TRDN: variants seen among roughly 807,000 people sequenced by gnomAD.
TRDN encodes the protein triadin.
In TRDN, 161 loss-of-function variants were observed where a neutral mutation model predicts 149.7. The observed-to-expected ratio is 1.08, with a 90% CI of 0.95 to 1.23. The LOEUF is 1.23. Among genes scored for constraint, TRDN ranks in the 50% most tolerant of loss-of-function variants. The pLI is 0.00. For missense variants in TRDN, 896 were observed against 823.5 expected, an observed-to-expected ratio of 1.09 and a Z score of -1.08; for synonymous variants, 294 against 250.5, an observed-to-expected ratio of 1.17 and a Z score of -1.64.
chr6:123,516,218 C>T lies in TRDN; in HGVS notation c.485-12G>A. The T allele has an allele frequency of 6.8e-7, 1 of 1,472,804 alleles. No homozygotes were observed. Among genetic ancestry groups the T allele is most frequent in the Non-Finnish European group, 9.1e-7 (1 of 1,101,754 alleles). 91.2% of individuals were successfully genotyped at this position (1,472,804 alleles called of 1,614,324 possible). On this transcript the variant is annotated splice_polypyrimidine_tract_variant and intron_variant, in intron 5 of 40. Coordinates refer to ENST00000334268, the MANE Select transcript of TRDN (RefSeq NM_006073.4). Reference sequence around the variant, plus strand: ...TTCTTTGTGTGTAACTGAAAAGAAACAGATAAATAGTTTTCATTTAAATAA... The same window carrying T: ...TTCTTTGTGTGTAACTGAAAAGAAATAGATAAATAGTTTTCATTTAAATAA...
rs1367920361 is a variant in TRDN, at chr6:123,442,502, C to T, written c.932-3499G>A. ...CGGAGCTTGCAGTGAGCCGAGATTGCGCCACTGCACTCCCGCCTGGGCCAC... is the reference window on the plus strand; with the variant it reads ...CGGAGCTTGCAGTGAGCCGAGATTGTGCCACTGCACTCCCGCCTGGGCCAC... On this transcript the variant is annotated intron_variant, in intron 10 of 40. Transcript: ENST00000334268. Among the ~76,000 whole-genome samples, 3 of 107,106 alleles carry T rather than the reference C, an allele frequency of 2.8e-5. 1 individual carries two copies. The highest frequency in any genetic ancestry group is 1.0e-4 in the African/African-American group (2 of 19,228). The allele number at this position is 107,106 out of a possible 152,430, so 70.3% of individuals were successfully genotyped here.
chr6:123,361,132 G>A (rs2114338605), intron 20 of TRDN, among the ~76,000 whole-genome samples: 1 of 152,170 alleles, frequency 6.6e-6, no homozygotes, highest in East Asian at 1.9e-4. Flanking sequence ...AGTATTTCTG[G>A]TTCTAGATCC....
At chr6:123,608,905 G>A (rs1054612706) in intron 1 of TRDN, among the ~76,000 whole-genome samples, 1 of 152,016 alleles carries the variant, frequency 6.6e-6, no homozygotes, top group Admixed American at 6.6e-5. Context: ...GGGCTCGGTG[G>A]CTCACACCTG....
rs182241261 is a variant in TRDN, at chr6:123,234,563, C to T, written c.1976-10432G>A. Reference sequence around the variant, plus strand: ...TTTACACAATTGTCTAGAACTGGGACGTAAGATATCTTGTTTTTTAATTTA... The same window carrying T: ...TTTACACAATTGTCTAGAACTGGGATGTAAGATATCTTGTTTTTTAATTTA... On this transcript the variant is annotated intron_variant, in intron 38 of 40. Transcript: ENST00000334268. 4.6e-4 allele frequency among the ~76,000 whole-genome samples: 70 copies of T among 152,072 alleles called. 1 individual carries two copies. Among genetic ancestry groups the T allele is most frequent in the African/African-American group, 9.6e-5 (4 of 41,474 alleles).
chr6:123,224,215 GA>G, intron 38 of TRDN, 84 bp from the exon 39 acceptor site: 1 of 1,318,774 alleles, frequency 7.6e-7, no homozygotes, highest in South Asian at 1.2e-5. Flanking sequence ...AGGTTTTTAA[GA>G]GTCACAAGAT....
At chr6:123,544,019 A>C (rs1780985741) in intron 4 of TRDN, among the ~76,000 whole-genome samples, 2 of 152,046 alleles carry the variant, frequency 1.3e-5, no homozygotes, top group African/African-American at 4.8e-5. Flanking sequence ...AGACTATAAG[A>C]ATCTAAGAAT....
At chr6:123,284,083 C>T (rs1244394083) in intron 24 of TRDN, among the ~76,000 whole-genome samples, 3 of 78,540 alleles carry the variant, frequency 3.8e-5, no homozygotes, top group Admixed American at 3.6e-4. Flanking sequence ...CTAACTCTTG[C>T]CCCCCCCCCA....
At chr6:123,515,284 G>A (rs1779364548) in intron 6 of TRDN, among the ~76,000 whole-genome samples, 1 of 151,870 alleles carries the variant, frequency 6.6e-6, no homozygotes, top group Non-Finnish European at 1.5e-5. Context: ...ATCTGAATGT[G>A]AAATTCAGTA....
At chr6:123,455,640 T>TTTTG (rs371556135) in intron 10 of TRDN, among the ~76,000 whole-genome samples, 1 of 152,132 alleles carries the variant, frequency 6.6e-6, no homozygotes, top group East Asian at 1.9e-4. Flanking sequence ...TTACAAATGC[T>TTTTG]TTTGTTTGTT....
intron 2 of TRDN, among the ~76,000 whole-genome samples, chr6:123,562,805 A>G (rs766614270): frequency 2.0e-5 from 3 of 152,222 alleles, no homozygotes; most frequent in Non-Finnish European, 4.4e-5. Flanking sequence ...CTTTTAAACC[A>G]AAGGAAAAAC....
chr6:123,305,899 T>G (rs1411920204), intron 24 of TRDN, among the ~76,000 whole-genome samples: 2 of 152,156 alleles, frequency 1.3e-5, no homozygotes, highest in African/African-American at 4.8e-5. Flanking sequence ...ATTCTCTGCT[T>G]TAATTCAACC....
intron 1 of TRDN, among the ~76,000 whole-genome samples, chr6:123,572,503 A>G (rs1483453777): frequency 2.6e-5 from 4 of 152,144 alleles, no homozygotes; most frequent in Admixed American, 2.6e-4. Flanking sequence ...CTTGACTCGT[A>G]GAAAGTTAAA....
chr6:123,594,739 A>G (rs1583300619), intron 1 of TRDN, among the ~76,000 whole-genome samples: 3 of 139,936 alleles, frequency 2.1e-5, no homozygotes. Context: ...GAAAATTTAT[A>G]GTATGAAATG....
intron 24 of TRDN, among the ~76,000 whole-genome samples, chr6:123,315,488 AT>A (rs1489730356): frequency 5.3e-5 from 8 of 151,954 alleles, no homozygotes; most frequent in Non-Finnish European, 1.2e-4. Context: ...GACTTTAATA[AT>A]TTAATATTTA....
intron 33 of TRDN, among the ~76,000 whole-genome samples, chr6:123,262,526 G>A (rs888242561): frequency 1.6e-4 from 25 of 151,930 alleles, no homozygotes; most frequent in African/African-American, 5.6e-4. Context: ...GACCTAAGAG[G>A]TGCTCAATAA....
chr6:123,451,357 G>T (rs1199411532), intron 10 of TRDN, among the ~76,000 whole-genome samples: 1 of 151,966 alleles, frequency 6.6e-6, no homozygotes, highest in African/African-American at 2.4e-5. Flanking sequence ...CCATTAGCAA[G>T]ATTAACCAAG....
At chr6:123,464,340 A>T in intron 10 of TRDN, 1 of 977,614 alleles carries the variant, frequency 1.0e-6, no homozygotes, top group South Asian at 4.7e-5. Context: ...AGTTGTATAT[A>T]GTACTTATAA....
intron 1 of TRDN, among the ~76,000 whole-genome samples, chr6:123,604,358 G>A (rs915336380): frequency 2.0e-5 from 3 of 152,208 alleles, no homozygotes; most frequent in South Asian, 2.1e-4. Context: ...TCACATTGCC[G>A]GAGGCAAAGA....
intron 20 of TRDN, among the ~76,000 whole-genome samples, chr6:123,360,691 G>A (rs1268687510): frequency 1.4e-5 from 2 of 140,268 alleles, no homozygotes; most frequent in Non-Finnish European, 1.5e-5. Flanking sequence ...AAGTGGTAGA[G>A]AGACAGAGAG....
Sources: gnomAD v4.1 joint callset for allele counts (sites outside exome capture counted in the v4.1 genomes callset) on GRCh38, gnomAD v4.1.1 for gene constraint, MANE v1.5 for transcripts, NCBI Gene and HGNC (gene_info 2026-07-23, HGNC 2026-07-21) for gene names.